GDPD5: variants seen among roughly 807,000 people sequenced by gnomAD.
GDPD5 encodes glycerophosphodiester phosphodiesterase 2.
A neutral mutation model predicts 75.1 loss-of-function variants in GDPD5; 48 were observed. The ratio of observed to expected loss-of-function variants is 0.64; its 90% CI spans 0.51 to 0.81. The LOEUF is 0.81. GDPD5 is among the 40% of genes least tolerant of loss of function. The pLI is 0.00. For synonymous variants in GDPD5, 336 were observed against 339.0 expected, an observed-to-expected ratio of 0.99 and a Z score of 0.10; for missense variants, 706 against 822.6, an observed-to-expected ratio of 0.86 and a Z score of 1.73.
At chr11:75,517,917 G>T (rs1950678380) in intron 1 of GDPD5, among the ~76,000 whole-genome samples, 1 of 152,176 alleles carries the variant, frequency 6.6e-6, no homozygotes, top group Non-Finnish European at 1.5e-5. Context: ...TTCAGACAAG[G>T]CTTCATTGTT....
At chr11:75,470,973 G>C (rs1306119381) in intron 3 of GDPD5, among the ~76,000 whole-genome samples, 1 of 152,184 alleles carries the variant, frequency 6.6e-6, no homozygotes, top group African/African-American at 2.4e-5. Flanking sequence ...CCTCTCCCCA[G>C]TGGTTCCAGC....
chr11:75,455,508 C>T (rs1949266834), intron 6 of GDPD5, among the ~76,000 whole-genome samples: 1 of 152,190 alleles, frequency 6.6e-6, no homozygotes, highest in Admixed American at 6.5e-5. Context: ...CTCACAGGCA[C>T]CTCCCACTCC....
At chr11:75,454,857 G>A (rs564658144) in intron 6 of GDPD5, among the ~76,000 whole-genome samples, 3 of 152,300 alleles carry the variant, frequency 2.0e-5, no homozygotes, top group Admixed American at 2.0e-4. Context: ...GTATTACATG[G>A]TCAAAAGTTA....
intron 1 of GDPD5, among the ~76,000 whole-genome samples, chr11:75,497,731 T>A (rs1364356407): frequency 2.6e-5 from 4 of 152,174 alleles, no homozygotes; most frequent in Non-Finnish European, 5.9e-5. Flanking sequence ...GCTCAGTTCA[T>A]CCTGACCACT....
Position 75,453,889 on chromosome 11 carries a change from A to G in GDPD5, c.375+2868T>C, listed in dbSNP as rs1022120869. Among the ~76,000 whole-genome samples the G allele has an allele frequency of 2.6e-5, 4 of 152,276 alleles. No homozygotes were observed. In the East Asian group the frequency reaches 7.7e-4, roughly 29 times the overall value. On this transcript the variant is annotated intron_variant, in intron 6 of 16. Transcript: ENST00000336898. Reference sequence around the variant, plus strand: ...CAAAATAGCTTCCAAAAAGAGAAAAAATTAAATGTTAAAAACGTGGAAATA... The same window carrying G: ...CAAAATAGCTTCCAAAAAGAGAAAAGATTAAATGTTAAAAACGTGGAAATA...
chr11:75,466,783 G>T (rs1272729449), intron 3 of GDPD5, among the ~76,000 whole-genome samples: 1 of 152,132 alleles, frequency 6.6e-6, no homozygotes, highest in Non-Finnish European at 1.5e-5. Flanking sequence ...CTAGAAAATG[G>T]GTGCTTTTTG....
At chr11:75,472,965 AG>A (rs371458384) in intron 3 of GDPD5, among the ~76,000 whole-genome samples, 69 of 152,004 alleles carry the variant, frequency 4.5e-4, no homozygotes, top group African/African-American at 1.6e-3. Context: ...GGGGGCATGG[AG>A]GGGGATTTGC....
chr11:75,441,579 G>T, intron 13 of GDPD5, 67 bp downstream of exon 13: 1 of 1,399,578 alleles, frequency 7.1e-7, no homozygotes, highest in East Asian at 2.5e-5. Flanking sequence ...TTGGGGGGTG[G>T]TGGTGGCAGG....
chr11:75,463,174 C>T (rs954826062), intron 3 of GDPD5, among the ~76,000 whole-genome samples: 2 of 152,232 alleles, frequency 1.3e-5, no homozygotes, highest in African/African-American at 4.8e-5. Context: ...CCATCGTGTA[C>T]TGCTCTCCCT....
Position 75,525,609 on chromosome 11 carries a change from G to GT in GDPD5, c.-545dup, listed in dbSNP as rs1273882214. 2 of 151,882 alleles carry GT rather than the reference G, an allele frequency of 1.3e-5. No homozygotes were observed. Among genetic ancestry groups the GT allele is most frequent in the Non-Finnish European group, 2.9e-5 (2 of 67,972 alleles). The allele number at this position is 151,882 out of a possible 1,614,324, so 9.4% of individuals were successfully genotyped here. A position where few individuals can be genotyped will look rare whatever the true frequency, so the allele number is the denominator to read the frequency against. On this transcript the variant is annotated 5_prime_UTR_variant, in exon 1 of 17. Coordinates refer to ENST00000336898, the MANE Select transcript of GDPD5 (RefSeq NM_030792.8). ...GGACCGGTACGGCGGCGTTAGGAGC[G>GT]TCCCGTCCCGGCGCAGCGGGTCAGG...
Position 75,475,545 on chromosome 11 carries a change from T to C in GDPD5, c.117+2074A>G, listed in dbSNP as rs1039116763. Among the ~76,000 whole-genome samples the C allele has an allele frequency of 2.0e-5, 3 of 151,454 alleles. No individual in the cohort carries two copies. The East Asian group carries it at 5.8e-4, about 29-fold the overall frequency. On this transcript the variant is annotated intron_variant, in intron 3 of 16. Coordinates refer to ENST00000336898, the MANE Select transcript of GDPD5 (RefSeq NM_030792.8). The stretch of plus-strand genomic sequence containing the variant: ...CTCACCCAGCTGCCTCAGGAAGGAA[T>C]AGAGAGAGAAAAGAGAAATGGGGAG...
chr11:75,440,981 T>A (rs1388078138), intron 14 of GDPD5, among the ~76,000 whole-genome samples, 182 bp downstream of exon 14: 1 of 152,186 alleles, frequency 6.6e-6, no homozygotes, highest in African/African-American at 2.4e-5. Context: ...TCCCAGCACC[T>A]TAGTGCAGAT....
In GDPD5 at chr11:75,436,793, C is replaced by T; in HGVS notation, c.1669+143G>A. The T allele has an allele frequency of 1.6e-5, 10 of 635,732 alleles. No individual in the cohort carries two copies. The Admixed American group carries it at 2.0e-4, about 13-fold the overall frequency. 39.4% of individuals were successfully genotyped at this position (635,732 alleles called of 1,614,324 possible). A position where few individuals can be genotyped will look rare whatever the true frequency, so the allele number is the denominator to read the frequency against. On this transcript the variant is annotated intron_variant, in intron 16 of 16. Coordinates refer to ENST00000336898, the MANE Select transcript of GDPD5 (RefSeq NM_030792.8). ...CCTTTGTATGTCTGTGGGTATAATC[C>T]CGGTGGGTTTATGTACGTCTGTGCC...
intron 4 of GDPD5, 22 bp from the exon 5 acceptor site, chr11:75,457,808 G>C: frequency 1.9e-6 from 3 of 1,597,282 alleles, no homozygotes; most frequent in Non-Finnish European, 2.6e-6. Flanking sequence ...AGAGGGGGCA[G>C]GGGTCAGACC....
intron 3 of GDPD5, among the ~76,000 whole-genome samples, chr11:75,470,660 C>T (rs1949641408): frequency 6.6e-6 from 1 of 151,960 alleles, no homozygotes; most frequent in Non-Finnish European, 1.5e-5. Flanking sequence ...ATTTTTTCAA[C>T]AAATGTATGC....
intron 6 of GDPD5, chr11:75,452,236 A>C (rs1286261589): frequency 6.6e-6 from 1 of 152,188 alleles, no homozygotes; most frequent in East Asian, 1.9e-4. Context: ...CAGGGTTAAG[A>C]GCCTCACTTG....
intron 1 of GDPD5, among the ~76,000 whole-genome samples, chr11:75,500,807 T>C (rs986552544): frequency 6.6e-6 from 1 of 152,134 alleles, no homozygotes; most frequent in Non-Finnish European, 1.5e-5. Context: ...CATCTCCCTT[T>C]TCTTCAAACC....
chr11:75,514,672 C>G (rs1950600197), intron 1 of GDPD5, among the ~76,000 whole-genome samples: 1 of 152,238 alleles, frequency 6.6e-6, no homozygotes, highest in Non-Finnish European at 1.5e-5. Flanking sequence ...TCACTGCAGG[C>G]ACTGACAGGG....
At chr11:75,465,482 C>T (rs915937620) in intron 3 of GDPD5, among the ~76,000 whole-genome samples, 3 of 152,152 alleles carry the variant, frequency 2.0e-5, no homozygotes, top group Non-Finnish European at 2.9e-5. Flanking sequence ...CTATACATGT[C>T]GGTCTCCCTG....
Sources: gnomAD v4.1 joint callset for allele counts (sites outside exome capture counted in the v4.1 genomes callset) on GRCh38, gnomAD v4.1.1 for gene constraint, MANE v1.5 for transcripts, NCBI Gene and HGNC (gene_info 2026-07-23, HGNC 2026-07-21) for gene names.